The following CNTRL variants were observed in gnomAD, a reference collection of about 807,000 sequenced individuals.
CNTRL encodes centriolin, also known as 110 kDa centrosomal protein.
Under a neutral mutation model 303.7 loss-of-function variants are expected in CNTRL, and 233 were observed. The observed-to-expected ratio is 0.77, with a 90% CI of 0.69 to 0.86. CNTRL has a LOEUF of 0.86. CNTRL is among the 40% of genes least tolerant of loss of function. The pLI is 0.00. For synonymous variants in CNTRL, 900 were observed against 922.2 expected, an observed-to-expected ratio of 0.98 and a Z score of 0.44; for missense variants, 2,524 against 2,650.6, an observed-to-expected ratio of 0.95 and a Z score of 1.05.
chr9:121,175,784 T>C (rs2053499856), intron 43 of CNTRL, among the ~76,000 whole-genome samples: 1 of 152,190 alleles, frequency 6.6e-6, no homozygotes, highest in Non-Finnish European at 1.5e-5. Context: ...AGGGATATAG[T>C]TAATTCTACT....
At chr9:121,112,904 T>A (rs1377088224) in intron 9 of CNTRL, among the ~76,000 whole-genome samples, 1 of 152,154 alleles carries the variant, frequency 6.6e-6, no homozygotes, top group Non-Finnish European at 1.5e-5. Context: ...GGAAAAGTGC[T>A]TCAGTACCAT....
At chr9:121,103,551 G>T (rs559172976) in intron 7 of CNTRL, among the ~76,000 whole-genome samples, 8 of 152,156 alleles carry the variant, frequency 5.3e-5, no homozygotes, top group Non-Finnish European at 1.2e-4. Flanking sequence ...TGACAGATGG[G>T]ATCTAATTAA....
At chr9:121,119,078 A>ATGTG (rs745355977) in intron 12 of CNTRL, among the ~76,000 whole-genome samples, 1,145 of 99,954 alleles carry the variant, frequency 0.011, 8 homozygotes, top group Non-Finnish European at 0.019. Context: ...ATACATAAAT[A>ATGTG]TATGTGTGTG....
chr9:121,079,603 G>A (rs780294938), intron 1 of CNTRL, among the ~76,000 whole-genome samples: 13 of 152,032 alleles, frequency 8.6e-5, no homozygotes, highest in Non-Finnish European at 1.5e-4. Flanking sequence ...TGGAATATTT[G>A]CTTTATACTT....
chr9:121,169,541 A>G (rs1039423663), intron 38 of CNTRL, 70 bp from the exon 39 acceptor site: 1 of 1,460,026 alleles, frequency 6.8e-7, no homozygotes, highest in Non-Finnish European at 9.6e-7. Context: ...ATCTGCCACA[A>G]GGGAAGGGGA....
rs758397752 is a variant in CNTRL at position 121,140,635 on chromosome 9, C to A, written c.2338-6C>A. 3 of 1,603,348 alleles carry A rather than the reference C, an allele frequency of 1.9e-6. No homozygotes were observed. The highest frequency in any genetic ancestry group is 1.7e-6 in the Non-Finnish European group (2 of 1,173,474). On this transcript the variant is annotated splice_polypyrimidine_tract_variant and splice_region_variant and intron_variant, in intron 16 of 43. Transcript: ENST00000373855. ...TAGATAATCCCTATTTCATCCCCCT[C>A]CATAGGATGACAATAATCTGTTAAA...
rs1370421589 is a variant in CNTRL at position 121,167,612 on chromosome 9, C to T, written c.5779C>T (p.Gln1927Ter). ...TCAGAAAGAAGAGGAGACAAAACAACAACAACTTCAAGTGCTTCAGAATGA... is the reference window on the plus strand; with the variant it reads ...TCAGAAAGAAGAGGAGACAAAACAATAACAACTTCAAGTGCTTCAGAATGA... Reference protein sequence around the residue: ...DCQKEEETKQQQLQVLQNEIE... With the variant: ...DCQKEEETKQ The change falls in exon 37 of 44, where the codon CAA (glutamine) becomes TAA (stop). Residue 1927 changes from glutamine (Q) to a stop codon, truncating the protein, a stop_gained. Transcript: ENST00000373855. LOFTEE classifies it high-confidence loss of function. 1 of 1,614,158 alleles carries T rather than the reference C, an allele frequency of 6.2e-7. No homozygotes were observed.
chr9:121,144,816 G>A (rs1316273967), intron 20 of CNTRL, 27 bp from the exon 21 acceptor site: 1 of 1,532,692 alleles, frequency 6.5e-7, no homozygotes, highest in South Asian at 1.1e-5. Flanking sequence ...TAGCAGTGGT[G>A]CCTTTCTCAT....
At chr9:121,109,910 G>T (rs1382838855) in intron 8 of CNTRL, among the ~76,000 whole-genome samples, 1 of 151,912 alleles carries the variant, frequency 6.6e-6, no homozygotes, top group African/African-American at 2.4e-5. Context: ...AGTTCATATT[G>T]GTTTTGCCTA....
chr9:121,107,760 G>T, intron 7 of CNTRL, 42 bp from the exon 8 acceptor site: 1 of 1,185,884 alleles, frequency 8.4e-7, no homozygotes, highest in South Asian at 1.7e-5. Context: ...TTTAAAAATA[G>T]GAAATATAAT....
Position 121,124,534 on chromosome 9 carries a change from A to G in CNTRL, c.1804+450A>G, listed in dbSNP as rs539865435. Among the ~76,000 whole-genome samples the G allele has an allele frequency of 4.8e-4, 73 of 152,334 alleles. 1 individual carries two copies. In the South Asian group the frequency reaches 0.015, roughly 31 times the overall value. On this transcript the variant is annotated intron_variant, in intron 13 of 43. Transcript: ENST00000373855. ...CAATAGGCCATAGTGGTTTTTACAC[A>G]TAGGGCTCAGTGTAAAAAGATCCTG...
At chr9:121,104,371 G>A (rs959367687) in intron 7 of CNTRL, among the ~76,000 whole-genome samples, 1 of 152,176 alleles carries the variant, frequency 6.6e-6, no homozygotes, top group African/African-American at 2.4e-5. Flanking sequence ...ACTGGGGCCT[G>A]TCATGGGGTG....
intron 14 of CNTRL, among the ~76,000 whole-genome samples, chr9:121,133,388 G>T (rs1308477347): frequency 1.3e-5 from 2 of 152,222 alleles, no homozygotes; most frequent in East Asian, 1.9e-4. Context: ...TGCCTCCAAG[G>T]TCTATCTCAG....
At chr9:121,146,912 G>C (rs909133739) in intron 23 of CNTRL, among the ~76,000 whole-genome samples, 1 of 152,222 alleles carries the variant, frequency 6.6e-6, no homozygotes, top group African/African-American at 2.4e-5. Flanking sequence ...AGAGTTATTG[G>C]CTTAGCAAAG....
At position 121,168,113 on chromosome 9, in the gene CNTRL, GAA is replaced by G. The variant is rs1029552069; in HGVS notation, c.5864_5865del (p.Lys1955ArgfsTer5). On this transcript the variant is annotated frameshift_variant, in exon 38 of 44. Coordinates refer to ENST00000373855, the MANE Select transcript of CNTRL (RefSeq NM_007018.6). LOFTEE classifies it high-confidence loss of function. Reference sequence around the variant, plus strand: ...TTATTAAGATGTTTCAGAGACTCCAGAAAGAGAGAGAAAGTGAAGAAAGCAAA... The same window carrying G: ...TTATTAAGATGTTTCAGAGACTCCAGAGAGAGAGAAAGTGAAGAAAGCAAA... Reference protein sequence around the residue: ...QQEMMFQRLQKERESEESKLE... With the variant: ...QQEMMFQRLQXERESEESKLE... 1 of 1,612,472 alleles carries G rather than the reference GAA, an allele frequency of 6.2e-7. No homozygotes were observed. Among genetic ancestry groups the G allele is most frequent in the African/African-American group, 1.3e-5 (1 of 74,868 alleles).
At chr9:121,083,531 T>C (rs2132103043) in intron 2 of CNTRL, among the ~76,000 whole-genome samples, 1 of 152,344 alleles carries the variant, frequency 6.6e-6, no homozygotes, top group South Asian at 2.1e-4. Context: ...AGCTGTCATT[T>C]CTTATGATAA....
rs1024354085 is a variant in CNTRL at position 121,142,290 on chromosome 9, T to C, written c.2871+20T>C. The C allele has an allele frequency of 6.3e-7, 1 of 1,586,478 alleles. No individual in the cohort carries two copies. Among genetic ancestry groups the C allele is most frequent in the Non-Finnish European group, 8.6e-7 (1 of 1,169,572 alleles). On this transcript the variant is annotated intron_variant, in intron 19 of 43. Coordinates refer to ENST00000373855, the MANE Select transcript of CNTRL (RefSeq NM_007018.6). ...AAAAAGGTAGGGGAGACTTAGAAAA[T>C]GAGACACATAAGTACCTGCTGCCAG...
chr9:121,076,088 C>T (rs2047913260), intron 1 of CNTRL, among the ~76,000 whole-genome samples: 1 of 152,168 alleles, frequency 6.6e-6, no homozygotes, highest in Non-Finnish European at 1.5e-5. Context: ...CAGACAAAAC[C>T]TCTGCTCTCT....
chr9:121,091,498 G>A, intron 4 of CNTRL, among the ~76,000 whole-genome samples: 1 of 152,116 alleles, frequency 6.6e-6, no homozygotes, highest in African/African-American at 2.4e-5. Flanking sequence ...GATTTAGCCT[G>A]CATAAGACTT....
Sources: gnomAD v4.1 joint callset for allele counts (sites outside exome capture counted in the v4.1 genomes callset) on GRCh38, gnomAD v4.1.1 for gene constraint, MANE v1.5 for transcripts, NCBI Gene and HGNC (gene_info 2026-07-23, HGNC 2026-07-21) for gene names.